Variants in DCHS2 observed in about 807,000 individuals in gnomAD.
The protein encoded by DCHS2 is protocadherin-23.
DCHS2 carries 142 observed loss-of-function variants against 182.4 expected under a neutral mutation model. The observed-to-expected ratio is 0.78, with a 90% confidence interval of 0.68 to 0.89. DCHS2 has a LOEUF of 0.89. DCHS2 is among the 40% of genes least tolerant of loss of function. The pLI, the probability that DCHS2 is intolerant of heterozygous loss-of-function variation, is 0.00. For missense variants in DCHS2, 4,319 were observed against 4,198.6 expected, an observed-to-expected ratio of 1.03 and a Z score of -0.79; for synonymous variants, 1,740 against 1,663.3, an observed-to-expected ratio of 1.05 and a Z score of -1.12.
chr4:154,262,199 AT>A (rs1301041869), intron 14 of DCHS2: 1 of 152,174 alleles, frequency 6.6e-6, no homozygotes, highest in Non-Finnish European at 1.5e-5. Context: ...GATAATTGGA[AT>A]TTTGCACTTG....
At chr4:154,284,977 C>T (rs916203819) in intron 13 of DCHS2, among the ~76,000 whole-genome samples, 1 of 152,078 alleles carries the variant, frequency 6.6e-6, no homozygotes, top group Non-Finnish European at 1.5e-5. Flanking sequence ...TCTTTCCTTC[C>T]ACTTGAGCAG....
At chr4:154,429,752 C>A (rs1284676172) in intron 1 of DCHS2, among the ~76,000 whole-genome samples, 1 of 151,514 alleles carries the variant, frequency 6.6e-6, no homozygotes, top group South Asian at 2.1e-4. Flanking sequence ...AATTTCAAAA[C>A]TTCTCTTCTG....
chr4:154,332,390 AT>A (rs372585396), intron 5 of DCHS2, 87 bp downstream of exon 5: 4 of 1,236,990 alleles, frequency 3.2e-6, no homozygotes, highest in East Asian at 2.5e-5. Flanking sequence ...ATTTTGTTTA[AT>A]TTTTTATTTT....
Position 154,304,881 on chromosome 4 carries a change from G to A in DCHS2, c.5396-3C>T. On this transcript the variant is annotated splice_region_variant and splice_polypyrimidine_tract_variant and intron_variant, in intron 11 of 19. Coordinates refer to ENST00000357232, the MANE Select transcript of DCHS2 (RefSeq NM_001358235.2). Reference sequence around the variant, plus strand: ...GAATCCCCCATCTCGTACTAGTACTGACACAGAACACAAAGACGGTATGAA... The same window carrying A: ...GAATCCCCCATCTCGTACTAGTACTAACACAGAACACAAAGACGGTATGAA... 6.2e-7 allele frequency: 1 copy of A among 1,602,874 alleles called. No homozygotes were observed. Among genetic ancestry groups the A allele is most frequent in the Non-Finnish European group, 8.5e-7 (1 of 1,174,828 alleles).
chr4:154,455,877 G>C (rs988122150), intron 1 of DCHS2, among the ~76,000 whole-genome samples: 1 of 152,154 alleles, frequency 6.6e-6, no homozygotes, highest in Non-Finnish European at 1.5e-5. Flanking sequence ...ATCACTTGAG[G>C]CCAGGAGTTC....
intron 2 of DCHS2, chr4:154,374,209 T>C (rs1730784741): frequency 6.5e-6 from 3 of 460,984 alleles, no homozygotes; most frequent in Non-Finnish European, 1.2e-5. Context: ...GTTCTACGAC[T>C]ACAAGGATCT....
intron 3 of DCHS2, chr4:154,343,460 G>T: frequency 7.0e-7 from 1 of 1,433,140 alleles, no homozygotes; most frequent in Non-Finnish European, 9.2e-7. Flanking sequence ...ATTGTTTAGT[G>T]TAACCACCTT....
rs73854774 is a variant in DCHS2 at position 154,448,379 on chromosome 4, T to C, written c.2052+40925A>G. Among the ~76,000 whole-genome samples, 666 of 152,320 alleles carry C rather than the reference T, an allele frequency of 4.4e-3. 5 individuals carry two copies. Among genetic ancestry groups the C allele is most frequent in the African/African-American group, 0.015 (634 of 41,578 alleles). The stretch of plus-strand genomic sequence containing the variant: ...ATATGAAAGCTGGATGTATGATCTT[T>C]TCCCCTTTACAGAAGCAAGTAACCC... On this transcript the variant is annotated intron_variant, in intron 1 of 19. Coordinates refer to ENST00000357232, the MANE Select transcript of DCHS2 (RefSeq NM_001358235.2).
At chr4:154,417,247 G>GAGAGAC (rs1732898562) in intron 1 of DCHS2, among the ~76,000 whole-genome samples, 1 of 142,150 alleles carries the variant, frequency 7.0e-6, no homozygotes, top group South Asian at 2.3e-4. Flanking sequence ...GAGAGAGAGA[G>GAGAGAC]AGAGACCAGT....
intron 1 of DCHS2, among the ~76,000 whole-genome samples, chr4:154,480,622 T>C (rs1342201351): frequency 6.6e-6 from 1 of 152,202 alleles, no homozygotes; most frequent in East Asian, 1.9e-4. Flanking sequence ...AAAGCAAGTA[T>C]GCAATAATTA....
At chr4:154,455,270 G>A (rs1444669353) in intron 1 of DCHS2, among the ~76,000 whole-genome samples, 1 of 152,172 alleles carries the variant, frequency 6.6e-6, no homozygotes, top group African/African-American at 2.4e-5. Context: ...ACTTTAGAAA[G>A]AGCCAGGCCA....
chr4:154,293,043 T>C (rs1359333449), intron 13 of DCHS2, among the ~76,000 whole-genome samples: 1 of 152,180 alleles, frequency 6.6e-6, no homozygotes, highest in African/African-American at 2.4e-5. Flanking sequence ...CTGTAAAATA[T>C]TGATGTTACT....
intron 3 of DCHS2, among the ~76,000 whole-genome samples, chr4:154,359,486 C>G (rs9790442): frequency 0.87 from 131,471 of 151,910 alleles, 56,928 homozygotes; most frequent in South Asian, 0.93. Context: ...AAATAGTTAG[C>G]AACAAAAATA....
chr4:154,356,438 C>T (rs989925799), intron 3 of DCHS2, among the ~76,000 whole-genome samples: 2 of 151,996 alleles, frequency 1.3e-5, no homozygotes, highest in Non-Finnish European at 2.9e-5. Flanking sequence ...TTTGATGTAG[C>T]CTAAGTGTAG....
rs763336544 is a variant in DCHS2, at chr4:154,320,982, A to T, written c.4417T>A (p.Ser1473Thr). The T allele has an allele frequency of 5.6e-6, 9 of 1,614,022 alleles. No homozygotes were observed. The highest frequency in any genetic ancestry group is 6.8e-6 in the Non-Finnish European group (8 of 1,179,976). Residue 1473 changes from serine (S) to threonine (T), a missense_variant, in exon 9 of 20, where the codon TCT (serine) becomes ACT (threonine). Physicochemically the swap from Ser to Thr is moderately conservative, Grantham distance 58. Coordinates refer to ENST00000357232, the MANE Select transcript of DCHS2 (RefSeq NM_001358235.2). The part of the protein sequence containing the change: ...LSKELDYETT[S>T]HYLFRVITTD... ...GTAATCACTCTGAAAAGATAATGAG[A>T]TGTCGTCTCATAATCAAGTTCCTTA...
intron 12 of DCHS2, among the ~76,000 whole-genome samples, chr4:154,303,815 T>C (rs1301469240): frequency 2.0e-5 from 3 of 152,220 alleles, no homozygotes; most frequent in South Asian, 4.1e-4. Context: ...GATAATAATG[T>C]AAATGATTCT....
intron 7 of DCHS2, among the ~76,000 whole-genome samples, chr4:154,327,859 T>C (rs116250352): frequency 1.4e-3 from 208 of 152,316 alleles, no homozygotes; most frequent in South Asian, 5.2e-3. Context: ...TGGTTTCTAT[T>C]AAGAACGTAA....
intron 15 of DCHS2, 41 bp downstream of exon 15, chr4:154,259,503 CA>C (rs780260769): frequency 2.6e-5 from 32 of 1,213,564 alleles, no homozygotes; most frequent in Middle Eastern, 2.3e-4. Flanking sequence ...GACACACCCA[CA>C]CACACACACA....
At chr4:154,479,689 T>C (rs968951286) in intron 1 of DCHS2, among the ~76,000 whole-genome samples, 2 of 152,222 alleles carry the variant, frequency 1.3e-5, no homozygotes, top group Non-Finnish European at 2.9e-5. Context: ...GGTAAACTTA[T>C]TAAATTCATG....
Sources: allele counts gnomAD v4.1 joint callset (sites outside exome capture counted in the v4.1 genomes callset), GRCh38; gene constraint gnomAD v4.1.1; transcripts MANE v1.5; gene names NCBI Gene and HGNC (gene_info 2026-07-23, HGNC 2026-07-21).